Variants in CADPS2 observed in about 807,000 individuals in gnomAD.
CADPS2 encodes the protein calcium-dependent secretion activator 2.
CADPS2 carries 93 observed loss-of-function variants against 172.5 expected under a neutral mutation model. The observed-to-expected ratio is 0.54, with a 90% CI of 0.46 to 0.64. The LOEUF is 0.64. Ranked by LOEUF, CADPS2 falls within the 30% of genes least tolerant of loss-of-function variation. The pLI, the probability that CADPS2 is intolerant of heterozygous loss-of-function variation, is 0.00. For missense variants in CADPS2, 1,420 were observed against 1,565.9 expected (o/e 0.91, Z 1.57); for synonymous variants, 546 against 555.2 (o/e 0.98, Z 0.23).
At chr7:122,707,727 A>G (rs2087815689) in intron 2 of CADPS2, among the ~76,000 whole-genome samples, 1 of 151,888 alleles carries the variant, frequency 6.6e-6, no homozygotes, top group South Asian at 2.1e-4. Flanking sequence ...GAGCAGCACA[A>G]AAGCAAAGAG....
At chr7:122,329,320 G>A in intron 28 of CADPS2, among the ~76,000 whole-genome samples, 1 of 152,108 alleles carries the variant, frequency 6.6e-6, no homozygotes, top group East Asian at 1.9e-4. Context: ...TCTTTCCATT[G>A]TCAATAGAAA....
intron 2 of CADPS2, among the ~76,000 whole-genome samples, chr7:122,708,522 T>G (rs1304520273): frequency 6.1e-3 from 1 of 164 alleles, no homozygotes; most frequent in Non-Finnish European, 0.011. Flanking sequence ...GTATTCGAGA[T>G]ATATATATAT....
chr7:122,734,387 G>GAAAAAAAAAAAAAAAAAAAAAAAAAAAA, intron 2 of CADPS2, among the ~76,000 whole-genome samples: 1 of 90,800 alleles, frequency 1.1e-5, no homozygotes, highest in Non-Finnish European at 2.1e-5. Context: ...AAAAAAAAAA[G>GAAAAAAAAAAAAAAAAAAAAAAAAAAAA]AAAAAAAAAA....
chr7:122,598,640 C>T (rs527800352), intron 6 of CADPS2, among the ~76,000 whole-genome samples: 1 of 152,158 alleles, frequency 6.6e-6, no homozygotes, highest in East Asian at 1.9e-4. Context: ...TTAATACTAG[C>T]AGGCCAGTCA....
At chr7:122,495,014 C>T (rs928523107) in intron 9 of CADPS2, among the ~76,000 whole-genome samples, 8 of 151,758 alleles carry the variant, frequency 5.3e-5, no homozygotes, top group East Asian at 3.9e-4. Flanking sequence ...TAAACAATAA[C>T]GGTCCAACTG....
chr7:122,688,562 CTG>C (rs1412485287), intron 2 of CADPS2, among the ~76,000 whole-genome samples: 1 of 152,206 alleles, frequency 6.6e-6, no homozygotes, highest in Admixed American at 6.5e-5. Context: ...AGTGTCCGCT[CTG>C]TCTCAGCTGT....
At chr7:122,854,305 A>C (rs1814572379) in intron 1 of CADPS2, among the ~76,000 whole-genome samples, 1 of 152,128 alleles carries the variant, frequency 6.6e-6, no homozygotes, top group Non-Finnish European at 1.5e-5. Context: ...CTGGAGGTTG[A>C]GGCTGTAGTG....
chr7:122,630,302 A>G (rs1334457710), intron 3 of CADPS2, among the ~76,000 whole-genome samples: 2 of 152,056 alleles, frequency 1.3e-5, no homozygotes, highest in Non-Finnish European at 2.9e-5. Context: ...ATCCTCAAAG[A>G]GAGTCCTCAA....
At chr7:122,401,493 A>T (rs1477924508) in intron 20 of CADPS2, among the ~76,000 whole-genome samples, 1 of 152,208 alleles carries the variant, frequency 6.6e-6, no homozygotes, top group Non-Finnish European at 1.5e-5. Context: ...CATTTGTCAG[A>T]AGTGGTCACT....
chr7:122,703,732 T>C (rs1263078218), intron 2 of CADPS2, among the ~76,000 whole-genome samples: 1 of 151,938 alleles, frequency 6.6e-6, no homozygotes, highest in Non-Finnish European at 1.5e-5. Flanking sequence ...GGAAAATGTA[T>C]TGGAGAGGGA....
At chr7:122,408,429 C>T (rs749333941) in intron 19 of CADPS2, among the ~76,000 whole-genome samples, 31 of 152,012 alleles carry the variant, frequency 2.0e-4, no homozygotes, top group Non-Finnish European at 3.8e-4. Context: ...GTCATCATTT[C>T]ATTTATTTTT....
At chr7:122,818,420 G>A (rs547423315) in intron 1 of CADPS2, among the ~76,000 whole-genome samples, 90 of 152,166 alleles carry the variant, frequency 5.9e-4, no homozygotes, top group Non-Finnish European at 3.4e-4. Flanking sequence ...GGTGCCTGAC[G>A]TCCAGGCATT....
chr7:122,361,381 C>T lies in CADPS2; in HGVS notation c.3388-368G>A, dbSNP rs371851256. On this transcript the variant is annotated intron_variant, in intron 25 of 29. Transcript: ENST00000449022. ...CCCGAGTAGCTGGAACTACAGGCGT[C>T]CGCCACCACACCTGGCTAATTTTTG... 2.5e-3 allele frequency among the ~76,000 whole-genome samples: 372 copies of T among 151,822 alleles called. 1 individual carries two copies. The highest frequency in any genetic ancestry group is 6.8e-3 in the Middle Eastern group (2 of 294).
intron 1 of CADPS2, among the ~76,000 whole-genome samples, chr7:122,749,205 T>G (rs950335297): frequency 6.6e-6 from 1 of 152,160 alleles, no homozygotes; most frequent in African/African-American, 2.4e-5. Context: ...GATTCAAGTG[T>G]GCATTCCTAA....
At chr7:122,724,825 G>A (rs1331811582) in intron 2 of CADPS2, among the ~76,000 whole-genome samples, 3 of 151,820 alleles carry the variant, frequency 2.0e-5, no homozygotes, top group Non-Finnish European at 4.4e-5. Flanking sequence ...AACCATTTTT[G>A]AATCATGAAC....
At chr7:122,627,028 G>A (rs1438509966) in intron 4 of CADPS2, among the ~76,000 whole-genome samples, 1 of 152,108 alleles carries the variant, frequency 6.6e-6, no homozygotes, top group Non-Finnish European at 1.5e-5. Flanking sequence ...GTTCCTGAAT[G>A]CCAACTAATA....
intron 17 of CADPS2, among the ~76,000 whole-genome samples, chr7:122,430,035 G>A (rs1004325617): frequency 2.2e-4 from 34 of 152,066 alleles, no homozygotes; most frequent in Admixed American, 6.5e-5. Context: ...GACTGCCACA[G>A]TACAACTTCT....
chr7:122,606,504 C>G (rs1484001468), intron 6 of CADPS2, among the ~76,000 whole-genome samples: 1 of 152,064 alleles, frequency 6.6e-6, no homozygotes, highest in Non-Finnish European at 1.5e-5. Flanking sequence ...ATTGAACACA[C>G]ACAAGAAAAA....
intron 8 of CADPS2, among the ~76,000 whole-genome samples, chr7:122,541,578 T>C (rs1005637547): frequency 1.4e-5 from 2 of 146,198 alleles, no homozygotes; most frequent in Admixed American, 6.9e-5. Flanking sequence ...TATATTCATA[T>C]ATATTTATAT....
Sources: gnomAD v4.1 joint callset for allele counts (sites outside exome capture counted in the v4.1 genomes callset) on GRCh38, gnomAD v4.1.1 for gene constraint, MANE v1.5 for transcripts, NCBI Gene and HGNC (gene_info 2026-07-23, HGNC 2026-07-21) for gene names.